Variants in GABRG3 observed in about 807,000 individuals in gnomAD.
GABRG3 encodes the protein gamma-aminobutyric acid receptor subunit gamma-3.
In GABRG3, 25 loss-of-function variants were observed where a neutral mutation model predicts 48.8. The observed-to-expected ratio is 0.51, with a 90% confidence interval of 0.37 to 0.72. The LOEUF is 0.72. Ranked by LOEUF, GABRG3 falls within the 30% of genes least tolerant of loss-of-function variation. The probability of loss-of-function intolerance (pLI) is 0.00; values close to 1 mark genes in which losing one functional copy is unlikely to be tolerated. For synonymous variants in GABRG3, 227 were observed against 217.6 expected (o/e 1.04, Z -0.38); for missense variants, 394 against 577.9 (o/e 0.68, Z 3.26).
chr15:27,260,749 A>G (rs987103084), intron 3 of GABRG3, among the ~76,000 whole-genome samples: 2 of 152,134 alleles, frequency 1.3e-5, no homozygotes, highest in Non-Finnish European at 2.9e-5. Context: ...ATGTCAAGAA[A>G]GACACTGGAT....
chr15:26,997,521 G>T (rs1011746355), intron 2 of GABRG3, among the ~76,000 whole-genome samples: 1 of 152,002 alleles, frequency 6.6e-6, no homozygotes, highest in African/African-American at 2.4e-5. Flanking sequence ...TATTTGTTTA[G>T]TAACTTACCT....
At chr15:27,522,676 G>A (rs3097502) in intron 7 of GABRG3, among the ~76,000 whole-genome samples, 94,780 of 151,462 alleles carry the variant, frequency 0.63, 30,822 homozygotes, top group African/African-American at 0.81. Context: ...TGAAAATATA[G>A]TAAAAAGCAT....
At chr15:27,334,842 T>C (rs1893912244) in intron 5 of GABRG3, among the ~76,000 whole-genome samples, 1 of 152,168 alleles carries the variant, frequency 6.6e-6, no homozygotes, top group African/African-American at 2.4e-5. Context: ...AGAGTATTTA[T>C]ACTTGACACT....
intron 3 of GABRG3, among the ~76,000 whole-genome samples, chr15:27,197,999 T>C (rs1888551174): frequency 6.6e-6 from 1 of 152,184 alleles, no homozygotes; most frequent in Non-Finnish European, 1.5e-5. Context: ...TCTCTTTTCA[T>C]CTTTATTAGT....
At chr15:27,388,178 AG>A (rs1418914272) in intron 5 of GABRG3, among the ~76,000 whole-genome samples, 2 of 80,380 alleles carry the variant, frequency 2.5e-5, no homozygotes, top group African/African-American at 1.3e-4. Context: ...AAGGAAGGAA[AG>A]GAGGGAGGGA....
chr15:27,426,139 C>G (rs969615574), intron 5 of GABRG3, among the ~76,000 whole-genome samples: 1 of 152,178 alleles, frequency 6.6e-6, no homozygotes. Flanking sequence ...GATATCAGAG[C>G]TCTGGTCCAA....
At chr15:27,111,568 T>C (rs1897549901) in intron 3 of GABRG3, among the ~76,000 whole-genome samples, 1 of 152,178 alleles carries the variant, frequency 6.6e-6, no homozygotes. Flanking sequence ...TATCTGTAAG[T>C]AGCAGAGCTT....
At chr15:27,019,430 C>G (rs1012568563) in intron 2 of GABRG3, among the ~76,000 whole-genome samples, 1 of 152,134 alleles carries the variant, frequency 6.6e-6, no homozygotes, top group African/African-American at 2.4e-5. Context: ...GGTGGAACCC[C>G]GGATTCTCTG....
chr15:27,302,024 A>G (rs941165441), intron 3 of GABRG3, among the ~76,000 whole-genome samples: 3 of 152,082 alleles, frequency 2.0e-5, no homozygotes. Flanking sequence ...GAATCTGACC[A>G]TCCTTAAAAA....
intron 5 of GABRG3, among the ~76,000 whole-genome samples, chr15:27,343,774 T>A (rs550588297): frequency 6.6e-6 from 1 of 152,312 alleles, no homozygotes; most frequent in Non-Finnish European, 1.5e-5. Context: ...AAACAAAATT[T>A]AAAAAAGGCA....
At chr15:27,391,436 T>C (rs1367597181) in intron 5 of GABRG3, among the ~76,000 whole-genome samples, 1 of 152,122 alleles carries the variant, frequency 6.6e-6, no homozygotes, top group Non-Finnish European at 1.5e-5. Flanking sequence ...AGAACTTAGT[T>C]CTGCACTTCA....
At chr15:27,443,016 G>A (rs1021645633) in intron 5 of GABRG3, among the ~76,000 whole-genome samples, 3 of 152,100 alleles carry the variant, frequency 2.0e-5, no homozygotes, top group Admixed American at 6.5e-5. Context: ...GCTGCAATGC[G>A]GTCAGTCCCC....
intron 2 of GABRG3, among the ~76,000 whole-genome samples, chr15:26,993,155 C>A (rs1465273010): frequency 2.0e-5 from 3 of 151,916 alleles, no homozygotes; most frequent in African/African-American, 4.8e-5. Context: ...TTCAAAAAAA[C>A]CAACTTTTTG....
At chr15:27,065,192 G>A (rs1409410369) in intron 3 of GABRG3, among the ~76,000 whole-genome samples, 2 of 152,150 alleles carry the variant, frequency 1.3e-5, no homozygotes, top group Admixed American at 6.5e-5. Flanking sequence ...TCACCATAAC[G>A]AGTGGATGAA....
intron 3 of GABRG3, among the ~76,000 whole-genome samples, chr15:27,037,267 G>A (rs1595486291): frequency 6.6e-6 from 1 of 152,194 alleles, no homozygotes; most frequent in Non-Finnish European, 1.5e-5. Context: ...CCCAGCACTA[G>A]CACTAACACA....
At chr15:27,316,632 A>G (rs949953368) in intron 3 of GABRG3, among the ~76,000 whole-genome samples, 2 of 152,212 alleles carry the variant, frequency 1.3e-5, no homozygotes, top group African/African-American at 4.8e-5. Context: ...CTACGCTTTT[A>G]ACTTATGAAC....
At chr15:27,153,361 C>A (rs527659070) in intron 3 of GABRG3, among the ~76,000 whole-genome samples, 1 of 152,208 alleles carries the variant, frequency 6.6e-6, no homozygotes, top group South Asian at 2.1e-4. Context: ...ATGTGTGTAT[C>A]CCTCTGACAA....
At chr15:27,375,501 T>TCCATTTTTATGC (rs1895565613) in intron 5 of GABRG3, among the ~76,000 whole-genome samples, 1 of 152,146 alleles carries the variant, frequency 6.6e-6, no homozygotes, top group Non-Finnish European at 1.5e-5. Flanking sequence ...CATGTATTAG[T>TCCATTTTTATGC]CCATTTTTAT....
At chr15:27,495,081 G>T (rs2150851204) in intron 6 of GABRG3, among the ~76,000 whole-genome samples, 1 of 152,174 alleles carries the variant, frequency 6.6e-6, no homozygotes, top group Admixed American at 6.5e-5. Context: ...TAGTGTAGAA[G>T]CCACATCTCA....
Sources: gnomAD v4.1 joint callset for allele counts (sites outside exome capture counted in the v4.1 genomes callset) on GRCh38, gnomAD v4.1.1 for gene constraint, MANE v1.5 for transcripts, NCBI Gene and HGNC (gene_info 2026-07-23, HGNC 2026-07-21) for gene names.